UCHL1: variants seen among roughly 807,000 people sequenced by gnomAD.
UCHL1 encodes ubiquitin carboxyl-terminal hydrolase isozyme L1.
A neutral mutation model predicts 33.3 loss-of-function variants in UCHL1; 5 were observed. The ratio of observed to expected loss-of-function variants is 0.15; its 90% CI spans 0.08 to 0.32. The LOEUF (loss-of-function observed/expected upper bound fraction) is 0.32, where lower values mean the gene tolerates loss of function less well. Ranked by LOEUF, UCHL1 falls within the 10% of genes least tolerant of loss-of-function variation. The probability of loss-of-function intolerance (pLI) is 1.00; values close to 1 mark genes in which losing one functional copy is unlikely to be tolerated. For synonymous variants in UCHL1, 132 were observed against 108.8 expected, an observed-to-expected ratio of 1.21 and a Z score of -1.33; for missense variants, 236 against 280.0, an observed-to-expected ratio of 0.84 and a Z score of 1.12.
intron 3 of UCHL1, among the ~76,000 whole-genome samples, 167 bp downstream of exon 3, chr4:41,257,904 T>G (rs1428310820): frequency 6.6e-6 from 1 of 152,212 alleles, no homozygotes; most frequent in Non-Finnish European, 1.5e-5. Flanking sequence ...CCTGGGCTCC[T>G]GTTCCAGCGG....
intron 8 of UCHL1, among the ~76,000 whole-genome samples, chr4:41,267,307 G>A (rs896264471): frequency 2.0e-5 from 3 of 151,898 alleles, no homozygotes; most frequent in African/African-American, 4.8e-5. Flanking sequence ...GTAGTGGCGC[G>A]ATCTCGCCTC....
chr4:41,257,609 G>T lies in UCHL1; in HGVS notation c.46G>T (p.Val16Leu). 6.5e-7 allele frequency: 1 copy of T among 1,546,870 alleles called. No individual in the cohort carries two copies. The highest frequency in any genetic ancestry group is 1.4e-5 in the African/African-American group (1 of 72,782). ...TGGCCGCCTTGTCTCCTCTCCGCAG[G>T]TGCTGTCCCGGCTGGGGGTCGCCGG... is the stretch of plus-strand genomic sequence containing the variant. The part of the protein sequence containing the change: ...MEINPEMLNK[V>L]LSRLGVAGQW... The change falls in exon 3 of 9, where the codon GTG becomes TTG. Residue 16 changes from valine (V) to leucine (L), a missense_variant and splice_region_variant. Coordinates refer to ENST00000284440, the MANE Select transcript of UCHL1 (RefSeq NM_004181.5).
In UCHL1 at chr4:41,268,144, G is replaced by C; in HGVS notation, c.*71G>C. The C allele has an allele frequency of 7.1e-7, 1 of 1,401,956 alleles. No homozygotes were observed. The highest frequency in any genetic ancestry group is 1.2e-5 in the South Asian group (1 of 82,380). 86.8% of individuals were successfully genotyped at this position (1,401,956 alleles called of 1,614,324 possible). A position where few individuals can be genotyped will look rare whatever the true frequency, so the allele number is the denominator to read the frequency against. The stretch of plus-strand genomic sequence containing the variant: ...ATGAAAATATATACCCCCCCATGCA[G>C]TCTAAAATGCTTCAGTACTTGTGAA... On this transcript the variant is annotated 3_prime_UTR_variant, in exon 9 of 9. Transcript: ENST00000284440.
At position 41,263,818 on chromosome 4, in the gene UCHL1, T is replaced by C. The variant is rs546662341; in HGVS notation, c.527-285T>C. Among the ~76,000 whole-genome samples, 64 of 152,354 alleles carry C rather than the reference T, an allele frequency of 4.2e-4. 1 individual carries two copies. The highest frequency in any genetic ancestry group is 1.5e-3 in the African/African-American group (64 of 41,590). ...CTTCCCTATCCCCAGAGACTGCATC[T>C]GACTTTTGTTCTGTGGCCCTTTCCA... On this transcript the variant is annotated intron_variant, in intron 7 of 8. Transcript: ENST00000284440.
intron 8 of UCHL1, chr4:41,264,415 G>T: frequency 1.8e-6 from 1 of 545,138 alleles, no homozygotes; most frequent in Non-Finnish European, 3.3e-6. Flanking sequence ...GAATTAGCCT[G>T]AAAGCTGTTG....
At chr4:41,257,565 C>A (rs1780999309) in intron 2 of UCHL1, 44 bp from the exon 3 acceptor site, 2 of 1,466,084 alleles carry the variant, frequency 1.4e-6, no homozygotes, top group African/African-American at 2.9e-5. Context: ...TGCCCGCGAC[C>A]CGCGTGTCCC....
intron 8 of UCHL1, among the ~76,000 whole-genome samples, chr4:41,265,670 C>T (rs1172747575): frequency 6.6e-6 from 1 of 152,212 alleles, no homozygotes; most frequent in Non-Finnish European, 1.5e-5. Flanking sequence ...GAAAAGACCT[C>T]TCTTTGGAAC....
intron 6 of UCHL1, among the ~76,000 whole-genome samples, chr4:41,262,839 C>T (rs1781094460): frequency 6.6e-6 from 1 of 152,080 alleles, no homozygotes; most frequent in Non-Finnish European, 1.5e-5. Context: ...CTCTTGTGAG[C>T]TCAAGTGATC....
In UCHL1 at chr4:41,257,728, C is replaced by T; in HGVS notation, c.165C>T (p.Leu55=). The part of the protein sequence containing the change: ...PACALLLLFP[L]TAQHENFRKK... ...GCGCGCTGCTGCTGCTGTTTCCCCT[C>T]ACGGCCCAGGTAGGGCGTGGGGCCC... Residue 55 remains leucine (L), a synonymous_variant, in exon 3 of 9, where the codon CTC becomes CTT. Transcript: ENST00000284440. 1 of 1,578,738 alleles carries T rather than the reference C, an allele frequency of 6.3e-7. No individual in the cohort carries two copies. The highest frequency in any genetic ancestry group is 2.3e-5 in the East Asian group (1 of 43,144).
Position 41,257,727 on chromosome 4 carries a change from TCA to T in UCHL1, c.166_167del (p.Thr56GlyfsTer4). On this transcript the variant is annotated frameshift_variant, in exon 3 of 9. Coordinates refer to ENST00000284440, the MANE Select transcript of UCHL1 (RefSeq NM_004181.5). LOFTEE classifies it high-confidence loss of function. ...TGCGCGCTGCTGCTGCTGTTTCCCC[TCA>T]CGGCCCAGGTAGGGCGTGGGGCCCA... is the stretch of plus-strand genomic sequence containing the variant. 1 of 1,578,714 alleles carries T rather than the reference TCA, an allele frequency of 6.3e-7. No individual in the cohort carries two copies. The highest frequency in any genetic ancestry group is 8.6e-7 in the Non-Finnish European group (1 of 1,166,416).
Position 41,257,719 on chromosome 4 carries a change from GT to G in UCHL1, c.159del (p.Leu55SerfsTer16). ...CGCCTGCCTGCGCGCTGCTGCTGCT[GT>G]TTCCCCTCACGGCCCAGGTAGGGCG... is the stretch of plus-strand genomic sequence containing the variant. ...PAPACALLLLFPLTAQHENFR... is the reference protein window; with the variant it reads ...PAPACALLLLXPLTAQHENFR... On this transcript the variant is annotated frameshift_variant, in exon 3 of 9. Transcript: ENST00000284440. LOFTEE classifies it high-confidence loss of function. 6.3e-7 allele frequency: 1 copy of G among 1,580,952 alleles called. No individual in the cohort carries two copies.
Position 41,268,249 on chromosome 4 carries a change from C to A in UCHL1, c.*176C>A. The stretch of plus-strand genomic sequence containing the variant: ...ACTTAAGCACAAGCAGAGTGCACAG[C>A]TGTCCACTGGGCCATTGTGGTGTGA... On this transcript the variant is annotated 3_prime_UTR_variant, in exon 9 of 9. Coordinates refer to ENST00000284440, the MANE Select transcript of UCHL1 (RefSeq NM_004181.5). The A allele has an allele frequency of 1.5e-6, 1 of 659,674 alleles. No individual in the cohort carries two copies. The allele number at this position is 659,674 out of a possible 1,614,324, so 40.9% of individuals were successfully genotyped here.
At chr4:41,260,909 A>C in intron 4 of UCHL1, 112 bp downstream of exon 4, 6 of 1,461,688 alleles carry the variant, frequency 4.1e-6, no homozygotes, top group Non-Finnish European at 5.7e-6. Flanking sequence ...ACCATTTTGT[A>C]ATGATGGTGT....
intron 2 of UCHL1, 148 bp downstream of exon 2, chr4:41,257,274 C>T (rs866669759): frequency 5.4e-6 from 7 of 1,284,780 alleles, no homozygotes; most frequent in Non-Finnish European, 7.4e-6. Context: ...GGCGCCTTTC[C>T]TGGGCCCCTG....
chr4:41,257,460 G>A (rs955752700), intron 2 of UCHL1, 149 bp from the exon 3 acceptor site: 7 of 1,133,668 alleles, frequency 6.2e-6, no homozygotes, highest in East Asian at 6.3e-5. Flanking sequence ...CATTGCGCCG[G>A]CCCGGGTGGG....
At position 41,257,012 on chromosome 4, in the gene UCHL1, G is replaced by A; in HGVS notation, c.33+3G>A. On this transcript the variant is annotated splice_donor_region_variant and intron_variant, in intron 1 of 8. Coordinates refer to ENST00000284440, the MANE Select transcript of UCHL1 (RefSeq NM_004181.5). ...AGCCGATGGAGATCAACCCCGAGGT[G>A]AGCGCCAGGTGCACCGCTACCCGGA... is the stretch of plus-strand genomic sequence containing the variant. The A allele has an allele frequency of 6.2e-7, 1 of 1,614,214 alleles. No homozygotes were observed. The highest frequency in any genetic ancestry group is 8.5e-7 in the Non-Finnish European group (1 of 1,180,018).
At chr4:41,260,469 G>A (rs1217438798) in intron 3 of UCHL1, among the ~76,000 whole-genome samples, 178 bp from the exon 4 acceptor site, 1 of 152,186 alleles carries the variant, frequency 6.6e-6, no homozygotes, top group Admixed American at 6.5e-5. Context: ...ACTGGCTGGC[G>A]TGGGTGGTGT....
intron 8 of UCHL1, among the ~76,000 whole-genome samples, chr4:41,267,159 A>C (rs982343386): frequency 2.6e-5 from 4 of 152,064 alleles, no homozygotes; most frequent in Admixed American, 2.6e-4. Context: ...GTAGTAACGC[A>C]TGTCACTTCA....
intron 8 of UCHL1, among the ~76,000 whole-genome samples, chr4:41,265,432 G>A (rs1183053784): frequency 6.6e-6 from 1 of 152,130 alleles, no homozygotes; most frequent in Non-Finnish European, 1.5e-5. Context: ...ATAAAAATTA[G>A]CCAGACCTGG....
Sources: gnomAD v4.1 joint callset for allele counts (sites outside exome capture counted in the v4.1 genomes callset) on GRCh38, gnomAD v4.1.1 for gene constraint, MANE v1.5 for transcripts, NCBI Gene and HGNC (gene_info 2026-07-23, HGNC 2026-07-21) for gene names.